The following IL17D variants were observed in gnomAD, a reference collection of about 807,000 sequenced individuals.
The protein encoded by IL17D is interleukin-17D.
Under a neutral mutation model 5.7 loss-of-function variants are expected in IL17D, and 10 were observed. The observed-to-expected ratio is 1.75, with a 90% confidence interval of 1.08 to 2.97. IL17D has a LOEUF of 2.97. Among genes scored for constraint, IL17D ranks in the 30% most tolerant of loss-of-function variants. IL17D has a pLI of 0.00. For missense variants in IL17D, 354 were observed against 292.7 expected (o/e 1.21, Z -1.53); for synonymous variants, 172 against 141.7 (o/e 1.21, Z -1.52).
intron 1 of IL17D, among the ~76,000 whole-genome samples, chr13:20,708,979 G>GA (rs201816404): frequency 0.03 from 2,720 of 90,660 alleles, 61 homozygotes; most frequent in South Asian, 0.062. Flanking sequence ...AAAAAAAAAA[G>GA]AAAGAAAGAA....
chr13:20,713,301 G>GA (rs1431270195), intron 1 of IL17D: 1 of 152,146 alleles, frequency 6.6e-6, no homozygotes, highest in Non-Finnish European at 1.5e-5. Flanking sequence ...CATTCTTGGA[G>GA]AAAAAGAGAA....
Position 20,703,911 on chromosome 13 carries a change from C to T in IL17D, c.-91C>T. 5 of 715,016 alleles carry T rather than the reference C, an allele frequency of 7.0e-6. No homozygotes were observed. Among genetic ancestry groups the T allele is most frequent in the Non-Finnish European group, 8.6e-6 (5 of 584,526 alleles). 44.3% of individuals were successfully genotyped at this position (715,016 alleles called of 1,614,324 possible). On this transcript the variant is annotated 5_prime_UTR_variant, in exon 1 of 2. Transcript: ENST00000682841. ...GGGCGAGGGGAGGCGCCCGCCGGCTCCGGGCGCCGCGGGCGGGACACGGGC... is the reference window on the plus strand; with the variant it reads ...GGGCGAGGGGAGGCGCCCGCCGGCTTCGGGCGCCGCGGGCGGGACACGGGC...
In IL17D at chr13:20,703,868, C is replaced by T. The variant is rs2058564101; in HGVS notation, c.-134C>T. ...GCCCGCGCGGCTCCCATCCTCCGGG[C>T]CGGCCTCTGGCTCCGCGGGGCGAGG... On this transcript the variant is annotated 5_prime_UTR_variant, in exon 1 of 2. Transcript: ENST00000682841. The T allele has an allele frequency of 7.3e-6, 2 of 273,924 alleles. No homozygotes were observed. Among genetic ancestry groups the T allele is most frequent in the South Asian group, 2.7e-4 (2 of 7,276 alleles). 17.0% of individuals were successfully genotyped at this position (273,924 alleles called of 1,614,324 possible). A position where few individuals can be genotyped will look rare whatever the true frequency, so the allele number is the denominator to read the frequency against.
intron 1 of IL17D, among the ~76,000 whole-genome samples, chr13:20,720,874 A>AAC (rs1566522185): frequency 4.0e-5 from 3 of 75,710 alleles, no homozygotes; most frequent in Non-Finnish European, 4.9e-5. Flanking sequence ...CTCCCTCCCA[A>AAC]CCCCCCCCCC....
At chr13:20,718,994 A>G (rs532682822) in intron 1 of IL17D, among the ~76,000 whole-genome samples, 11 of 116,876 alleles carry the variant, frequency 9.4e-5, no homozygotes, top group Non-Finnish European at 1.4e-4. Context: ...CCACTCACAC[A>G]CCCACACATG....
intron 1 of IL17D, among the ~76,000 whole-genome samples, chr13:20,709,140 C>CT (rs61612538): frequency 0.02 from 2,760 of 137,234 alleles, 64 homozygotes; most frequent in African/African-American, 0.044. Context: ...CTAAGAAGCC[C>CT]TTTTTTTTTT....
At chr13:20,717,964 G>A (rs1465155159) in intron 1 of IL17D, among the ~76,000 whole-genome samples, 1 of 152,102 alleles carries the variant, frequency 6.6e-6, no homozygotes, top group Admixed American at 6.5e-5. Flanking sequence ...GAACCCAAAC[G>A]ATGGTGAAAT....
At chr13:20,719,376 C>G (rs905763544) in intron 1 of IL17D, among the ~76,000 whole-genome samples, 1 of 148,246 alleles carries the variant, frequency 6.7e-6, no homozygotes, top group African/African-American at 2.5e-5. Flanking sequence ...CATGCCCACG[C>G]TCACCCATCT....
chr13:20,703,907 G>T lies in IL17D; in HGVS notation c.-95G>T, dbSNP rs2058564586. 11 of 679,632 alleles carry T rather than the reference G, an allele frequency of 1.6e-5. No homozygotes were observed. Among genetic ancestry groups the T allele is most frequent in the Non-Finnish European group, 1.8e-5 (10 of 552,184 alleles). 42.1% of individuals were successfully genotyped at this position (679,632 alleles called of 1,614,324 possible). ...CGCGGGGCGAGGGGAGGCGCCCGCC[G>T]GCTCCGGGCGCCGCGGGCGGGACAC... On this transcript the variant is annotated 5_prime_UTR_variant, in exon 1 of 2. Transcript: ENST00000682841.
chr13:20,703,365 G>A, upstream of IL17D: 10 of 986,008 alleles, frequency 1.0e-5, no homozygotes, highest in Non-Finnish European at 1.2e-5. Context: ...GCTCCTGGAG[G>A]CGAAAGGTGC....
At chr13:20,704,393 G>GTGGGGCGGGGAAGGGGAGGTGGT (rs1423196232) in intron 1 of IL17D, 102 bp downstream of exon 1, 1 of 239,420 alleles carries the variant, frequency 4.2e-6, no homozygotes, top group African/African-American at 2.9e-5. Context: ...GGCGGGGAGG[G>GTGGGGCGGGGAAGGGGAGGTGGT]TGGGGCGGGG....
At chr13:20,704,733 C>T (rs114634537) in intron 1 of IL17D, among the ~76,000 whole-genome samples, 3,267 of 152,102 alleles carry the variant, frequency 0.021, 124 homozygotes, top group African/African-American at 0.075. Flanking sequence ...TAGCTGGGGA[C>T]CCTTCCGTGA....
Position 20,703,767 on chromosome 13 carries a change from G to A in IL17D, c.-235G>A, listed in dbSNP as rs1171629009. On this transcript the variant is annotated 5_prime_UTR_variant, in exon 1 of 2. Transcript: ENST00000682841. ...GCGGCGGCGGCGGCGGGGGCCGGGG[G>A]CGCGCGGGCCGGCGCCGGGCTGGGC... 15 of 146,846 alleles carry A rather than the reference G, an allele frequency of 1.0e-4. No homozygotes were observed. The highest frequency in any genetic ancestry group is 2.1e-4 in the South Asian group (1 of 4,796). The allele number at this position is 146,846 out of a possible 1,614,324, so 9.1% of individuals were successfully genotyped here.
intron 1 of IL17D, 60 bp downstream of exon 1, chr13:20,704,351 GA>G (rs986803319): frequency 1.1e-4 from 72 of 641,444 alleles, no homozygotes; most frequent in Admixed American, 2.5e-4. Flanking sequence ...GCTGGGCGGG[GA>G]GAGTGGGTGG....
In IL17D at chr13:20,716,174, AGGGATG is replaced by A; in HGVS notation, c.291-5461_291-5456del. On this transcript the variant is annotated intron_variant, in intron 1 of 1. Coordinates refer to ENST00000682841, the MANE Select transcript of IL17D (RefSeq NM_001385224.1). The surrounding 1 kb of genome is among the most constrained non-coding windows in gnomAD (Gnocchi z 4.2). ...TTCACAGGACTCTCAGCTCTTGGAG[AGGGATG>A]CTACATGTCCCTCAGTGTCCCCAGA... 5.8e-6 allele frequency: 5 copies of A among 859,360 alleles called. No individual in the cohort carries two copies. The highest frequency in any genetic ancestry group is 7.0e-6 in the Non-Finnish European group (5 of 715,238). The allele number at this position is 859,360 out of a possible 1,614,324, so 53.2% of individuals were successfully genotyped here.
upstream of IL17D, chr13:20,702,045 G>A (rs939723265): frequency 6.6e-6 from 1 of 152,106 alleles, no homozygotes; most frequent in Non-Finnish European, 1.5e-5. Flanking sequence ...GAGACAGACT[G>A]AGTATTTCTA....
chr13:20,713,078 C>G (rs2058652972), intron 1 of IL17D: 1 of 151,764 alleles, frequency 6.6e-6, no homozygotes, highest in Admixed American at 6.6e-5. Flanking sequence ...TGTCTTAAAG[C>G]AAACTAAGCC....
At position 20,704,101 on chromosome 13, in the gene IL17D, C is replaced by G; in HGVS notation, c.100C>G (p.Arg34Gly). The change falls in exon 1 of 2, where the codon CGG becomes GGG. Residue 34 changes from arginine (R) to glycine (G), a missense_variant. Transcript: ENST00000682841. Reference sequence around the variant, plus strand: ...CGCGCGGCCGCGGGGCTGCGCGGACCGGCCGGAGGAGCTACTGGAGCAGCT... The same window carrying G: ...CGCGCGGCCGCGGGGCTGCGCGGACGGGCCGGAGGAGCTACTGGAGCAGCT... ...RPARPRGCAD[R>G]PEELLEQLYG... 1.6e-6 allele frequency: 2 copies of G among 1,255,090 alleles called. No homozygotes were observed. The highest frequency in any genetic ancestry group is 4.1e-5 in the East Asian group (1 of 24,140). The allele number at this position is 1,255,090 out of a possible 1,614,324, so 77.7% of individuals were successfully genotyped here. A position where few individuals can be genotyped will look rare whatever the true frequency, so the allele number is the denominator to read the frequency against.
At position 20,716,575 on chromosome 13, in the gene IL17D, G is replaced by A. The variant is rs1416233775; in HGVS notation, c.291-5061G>A. Among the ~76,000 whole-genome samples the A allele has an allele frequency of 6.6e-6, 1 of 152,208 alleles. No homozygotes were observed. ...TTTGCAAAGAACCAGGCAAGGTGGA[G>A]TTCTCTGCCCAAGGTTACTGGGTGG... On this transcript the variant is annotated intron_variant, in intron 1 of 1. Coordinates refer to ENST00000682841, the MANE Select transcript of IL17D (RefSeq NM_001385224.1). The surrounding 1 kb of genome is among the most constrained non-coding windows in gnomAD (Gnocchi z 4.2).
Sources: allele counts gnomAD v4.1 joint callset (sites outside exome capture counted in the v4.1 genomes callset), GRCh38; gene constraint gnomAD v4.1.1; non-coding constraint Gnocchi (gnomAD v3.1); transcripts MANE v1.5; gene names NCBI Gene and HGNC (gene_info 2026-07-23, HGNC 2026-07-21).